The following TAF4B variants were observed in gnomAD, a reference collection of about 807,000 sequenced individuals.
TAF4B encodes the protein TATA-box binding protein associated factor 4b.
A neutral mutation model predicts 86.4 loss-of-function variants in TAF4B; 38 were observed. The ratio of observed to expected loss-of-function variants is 0.44; its 90% confidence interval spans 0.34 to 0.58. The LOEUF is 0.58. Ranked by LOEUF, TAF4B falls within the 20% of genes least tolerant of loss-of-function variation. TAF4B has a pLI of 0.02. For missense variants in TAF4B, 988 were observed against 1,027.6 expected, an observed-to-expected ratio of 0.96 and a Z score of 0.53; for synonymous variants, 388 against 391.2, an observed-to-expected ratio of 0.99 and a Z score of 0.10.
At chr18:26,362,058 CATT>C (rs774549427) in intron 14 of TAF4B, among the ~76,000 whole-genome samples, 1 of 152,066 alleles carries the variant, frequency 6.6e-6, no homozygotes, top group East Asian at 1.9e-4. Context: ...ACTACAGTAA[CATT>C]ATACAACAAA....
At position 26,252,750 on chromosome 18, in the gene TAF4B, G is replaced by A. The variant is rs553528961; in HGVS notation, c.344-12420G>A. Among the ~76,000 whole-genome samples, 32 of 151,784 alleles carry A rather than the reference G, an allele frequency of 2.1e-4. No homozygotes were observed. The South Asian group carries it at 2.3e-3, about 11-fold the overall frequency. ...AATAAGGGCCCCAAAGCTTACAAGA[G>A]TGGTGATGCTGGTGGCATATTTTTT... On this transcript the variant is annotated intron_variant, in intron 1 of 14. Coordinates refer to ENST00000269142, the MANE Select transcript of TAF4B (RefSeq NM_005640.3).
At chr18:26,300,640 C>T (rs1276455298) in intron 9 of TAF4B, among the ~76,000 whole-genome samples, 1 of 151,964 alleles carries the variant, frequency 6.6e-6, no homozygotes, top group Non-Finnish European at 1.5e-5. Context: ...TTTATTGAGA[C>T]TTCTCAGTGT....
intron 9 of TAF4B, among the ~76,000 whole-genome samples, chr18:26,306,078 G>GT (rs2056791667): frequency 6.6e-6 from 1 of 152,222 alleles, no homozygotes; most frequent in Non-Finnish European, 1.5e-5. Context: ...GGTCTGTGGT[G>GT]TTAGGGATCC....
At chr18:26,329,022 C>CT (rs796991580) in intron 12 of TAF4B, among the ~76,000 whole-genome samples, 12 of 151,988 alleles carry the variant, frequency 7.9e-5, no homozygotes, top group African/African-American at 2.2e-4. Flanking sequence ...CCCTTTCTTT[C>CT]TTCTTCTCTC....
chr18:26,375,121 CTG>C (rs2057434038), intron 14 of TAF4B, among the ~76,000 whole-genome samples: 1 of 152,146 alleles, frequency 6.6e-6, no homozygotes, highest in Non-Finnish European at 1.5e-5. Context: ...ATTTTTCAGT[CTG>C]TAAGGATTCA....
At chr18:26,297,029 C>G (rs2144623348) in intron 9 of TAF4B, among the ~76,000 whole-genome samples, 1 of 151,798 alleles carries the variant, frequency 6.6e-6, no homozygotes, top group East Asian at 1.9e-4. Context: ...GTCTCAGCTA[C>G]TTGAGATGCT....
intron 1 of TAF4B, among the ~76,000 whole-genome samples, chr18:26,238,557 A>T (rs936700860): frequency 2.0e-5 from 3 of 151,550 alleles, no homozygotes; most frequent in African/African-American, 4.9e-5. Flanking sequence ...TTATTTATTT[A>T]TTTTTTTATA....
chr18:26,265,397 T>TA, intron 2 of TAF4B, 82 bp downstream of exon 2: 19 of 1,394,048 alleles, frequency 1.4e-5, no homozygotes, highest in South Asian at 1.7e-5. Context: ...TGTTTGCTAG[T>TA]AAAAAATAAT....
chr18:26,342,589 T>A (rs1431027126), intron 13 of TAF4B, among the ~76,000 whole-genome samples: 1 of 152,216 alleles, frequency 6.6e-6, no homozygotes, highest in African/African-American at 2.4e-5. Context: ...TCTTAATGTT[T>A]TTTGGGTCTT....
At chr18:26,257,842 CGTGTGTGTGTGT>C (rs57275139) in intron 1 of TAF4B, among the ~76,000 whole-genome samples, 24,065 of 141,480 alleles carry the variant, frequency 0.17, 2,260 homozygotes, top group Middle Eastern at 0.22. Flanking sequence ...CCTCTGCGTG[CGTGTGTGTGTGT>C]GTGTGTGTGT....
At chr18:26,352,328 T>A (rs971316969) in intron 13 of TAF4B, among the ~76,000 whole-genome samples, 7 of 151,910 alleles carry the variant, frequency 4.6e-5, no homozygotes, top group African/African-American at 1.7e-4. Flanking sequence ...GAGAAAATGC[T>A]TACATTAGAA....
intron 10 of TAF4B, among the ~76,000 whole-genome samples, chr18:26,316,349 C>T (rs573089245): frequency 6.6e-6 from 1 of 152,106 alleles, no homozygotes; most frequent in Non-Finnish European, 1.5e-5. Flanking sequence ...GTTTTAGCTG[C>T]TGTATGCTAT....
chr18:26,300,204 G>A (rs979780519), intron 9 of TAF4B, among the ~76,000 whole-genome samples: 1 of 151,648 alleles, frequency 6.6e-6, no homozygotes, highest in African/African-American at 2.4e-5. Flanking sequence ...GCCCATGCTG[G>A]TCTTGAACTC....
chr18:26,345,505 C>T (rs1246974414), intron 13 of TAF4B, among the ~76,000 whole-genome samples: 1 of 152,158 alleles, frequency 6.6e-6, no homozygotes, highest in African/African-American at 2.4e-5. Flanking sequence ...TGAGAAACAG[C>T]CCAGTGAGCC....
intron 10 of TAF4B, among the ~76,000 whole-genome samples, chr18:26,320,816 T>C (rs2056955566): frequency 6.6e-6 from 1 of 152,194 alleles, no homozygotes; most frequent in African/African-American, 2.4e-5. Context: ...CTTTGTCCTA[T>C]AAATGACCTT....
chr18:26,267,311 A>AC (rs2056253350), intron 2 of TAF4B: 1 of 406,516 alleles, frequency 2.5e-6, no homozygotes, highest in African/African-American at 2.0e-5. Context: ...ATCAGTTGCC[A>AC]CCTTAGAAAT....
chr18:26,369,307 A>G (rs576208811), intron 14 of TAF4B, among the ~76,000 whole-genome samples: 2 of 152,324 alleles, frequency 1.3e-5, no homozygotes, highest in South Asian at 4.1e-4. Context: ...GCAGTTGGGG[A>G]AAATGAAATA....
At chr18:26,341,011 A>G (rs534539900) in intron 13 of TAF4B, among the ~76,000 whole-genome samples, 1 of 152,256 alleles carries the variant, frequency 6.6e-6, no homozygotes, top group South Asian at 2.1e-4. Context: ...GAGATTCATA[A>G]GAAGATTGCG....
At chr18:26,266,765 G>A (rs1272488366) in intron 2 of TAF4B, 1 of 152,196 alleles carries the variant, frequency 6.6e-6, no homozygotes, top group African/African-American at 2.4e-5. Flanking sequence ...GGGAGGCTGA[G>A]GCAGGAGAAT....
Sources: allele counts gnomAD v4.1 joint callset (sites outside exome capture counted in the v4.1 genomes callset), GRCh38; gene constraint gnomAD v4.1.1; transcripts MANE v1.5; gene names NCBI Gene and HGNC (gene_info 2026-07-23, HGNC 2026-07-21).